The following PGPEP1L variants were observed in gnomAD, a reference collection of about 807,000 sequenced individuals.
PGPEP1L encodes pyroglutamyl-peptidase 1-like protein.
In PGPEP1L, 7 loss-of-function variants were observed where a neutral mutation model predicts 6.0. The ratio of observed to expected loss-of-function variants is 1.17; its 90% CI spans 0.66 to 2.19. The LOEUF is 2.19. Among genes scored for constraint, PGPEP1L ranks in the 30% most tolerant of loss-of-function variants. The pLI is 0.00. For missense variants in PGPEP1L, 209 were observed against 192.5 expected (o/e 1.09, Z -0.51); for synonymous variants, 103 against 83.9 (o/e 1.23, Z -1.24).
intron 2 of PGPEP1L, among the ~76,000 whole-genome samples, chr15:98,973,228 C>T (rs989135805): frequency 1.3e-5 from 2 of 152,150 alleles, no homozygotes; most frequent in Admixed American, 6.5e-5. Flanking sequence ...TATTAATAGA[C>T]CTAAAGGGAG....
chr15:98,971,387 G>A (rs543139921), intron 2 of PGPEP1L, among the ~76,000 whole-genome samples: 1 of 152,158 alleles, frequency 6.6e-6, no homozygotes, highest in Admixed American at 6.5e-5. Context: ...CCAGCTACTT[G>A]GGAGGCTGAG....
chr15:98,987,420 TTC>T (rs2017763075), intron 2 of PGPEP1L, among the ~76,000 whole-genome samples: 1 of 152,052 alleles, frequency 6.6e-6, no homozygotes, highest in South Asian at 2.1e-4. Context: ...GAGCAAATGT[TTC>T]TGATAGACGC....
intron 2 of PGPEP1L, among the ~76,000 whole-genome samples, chr15:98,975,837 C>T (rs757515045): frequency 2.0e-5 from 3 of 152,082 alleles, no homozygotes; most frequent in Non-Finnish European, 2.9e-5. Flanking sequence ...GACAAGATCA[C>T]GCTACTGCAC....
chr15:99,000,775 A>G (rs2017955389), intron 2 of PGPEP1L, among the ~76,000 whole-genome samples: 1 of 152,118 alleles, frequency 6.6e-6, no homozygotes, highest in Non-Finnish European at 1.5e-5. Flanking sequence ...AAATGGACCA[A>G]TCAGCAGGAT....
rs142644729 is a variant in PGPEP1L, at chr15:98,996,699, G to C, written c.-142+8730C>G. Among the ~76,000 whole-genome samples, 1,518 of 152,128 alleles carry C rather than the reference G, an allele frequency of 1.0e-2. 26 individuals carry two copies. Among genetic ancestry groups the C allele is most frequent in the Non-Finnish European group, 0.012 (829 of 68,004 alleles). On this transcript the variant is annotated intron_variant, in intron 2 of 4. Coordinates refer to ENST00000535714, the MANE Select transcript of PGPEP1L (RefSeq NM_001167902.2). Reference sequence around the variant, plus strand: ...TGCCTGTGTATCCATGTGTGCACGCGTGGGTACGTGTTTGGTCCTCAGAGC... The same window carrying C: ...TGCCTGTGTATCCATGTGTGCACGCCTGGGTACGTGTTTGGTCCTCAGAGC...
chr15:98,980,569 C>A (rs562598585), intron 2 of PGPEP1L, among the ~76,000 whole-genome samples: 1 of 152,262 alleles, frequency 6.6e-6, no homozygotes, highest in South Asian at 2.1e-4. Flanking sequence ...AGGAACTCCC[C>A]CACTCGAGTG....
intron 2 of PGPEP1L, among the ~76,000 whole-genome samples, chr15:98,977,790 G>C (rs989706771): frequency 6.6e-6 from 1 of 152,160 alleles, no homozygotes; most frequent in African/African-American, 2.4e-5. Context: ...TATTAACTGT[G>C]AATTTATCTA....
At position 98,971,426 on chromosome 15, in the gene PGPEP1L, G is replaced by A. The variant is rs956076091; in HGVS notation, c.-141-268C>T. Among the ~76,000 whole-genome samples, 4 of 151,566 alleles carry A rather than the reference G, an allele frequency of 2.6e-5. No individual in the cohort carries two copies. The East Asian group carries it at 5.8e-4, about 22-fold the overall frequency. Reference sequence around the variant, plus strand: ...GGAGAATCACTTGAACCTGGGAGGTGGAGGTTGCAGTGAGCCGAAATAGTA... The same window carrying A: ...GGAGAATCACTTGAACCTGGGAGGTAGAGGTTGCAGTGAGCCGAAATAGTA... On this transcript the variant is annotated intron_variant, in intron 2 of 4. Coordinates refer to ENST00000535714, the MANE Select transcript of PGPEP1L (RefSeq NM_001167902.2).
At chr15:99,005,007 TGTGAG>T (rs1397469402) in intron 2 of PGPEP1L, among the ~76,000 whole-genome samples, 1 of 151,990 alleles carries the variant, frequency 6.6e-6, no homozygotes, top group Non-Finnish European at 1.5e-5. Flanking sequence ...TTGCAAGCCT[TGTGAG>T]GGCCCTGTGG....
chr15:98,990,659 C>G (rs2151762580), intron 2 of PGPEP1L, among the ~76,000 whole-genome samples: 1 of 152,304 alleles, frequency 6.6e-6, no homozygotes, highest in Middle Eastern at 3.4e-3. Flanking sequence ...ACAGAATATA[C>G]ATTCTTCTCA....
intron 2 of PGPEP1L, among the ~76,000 whole-genome samples, chr15:98,978,736 T>A (rs867795688): frequency 0.03 from 4,256 of 140,200 alleles, 79 homozygotes; most frequent in Middle Eastern, 0.062. Flanking sequence ...ATTTTTTTTT[T>A]TTTTTTTTTT....
intron 2 of PGPEP1L, among the ~76,000 whole-genome samples, chr15:98,993,997 G>A (rs960982857): frequency 6.6e-6 from 1 of 152,194 alleles, no homozygotes. Context: ...GCCTGGCACA[G>A]TGACTCATGC....
intron 2 of PGPEP1L, among the ~76,000 whole-genome samples, chr15:98,997,654 T>C (rs531125779): frequency 6.6e-6 from 1 of 152,212 alleles, no homozygotes; most frequent in African/African-American, 2.4e-5. Flanking sequence ...GGTGCTAAAA[T>C]AGCTGCTTGT....
intron 2 of PGPEP1L, among the ~76,000 whole-genome samples, chr15:98,974,821 T>C (rs2177030): frequency 0.12 from 18,920 of 152,058 alleles, 1,549 homozygotes; most frequent in East Asian, 0.39. Context: ...GCTTGAACCC[T>C]GGGAGGCGGA....
chr15:98,986,732 C>CG (rs1453972323), intron 2 of PGPEP1L, among the ~76,000 whole-genome samples: 5 of 152,124 alleles, frequency 3.3e-5, no homozygotes, highest in African/African-American at 1.2e-4. Context: ...TCTTAGCCTA[C>CG]GGGGTCTGTG....
At position 98,968,676 on chromosome 15, in the gene PGPEP1L, A is replaced by G. The variant is rs1388736135; in HGVS notation, c.231T>C (p.Tyr77=). 1.9e-6 allele frequency: 3 copies of G among 1,576,054 alleles called. No homozygotes were observed. Among genetic ancestry groups the G allele is most frequent in the Admixed American group, 3.7e-5 (2 of 53,828 alleles). Residue 77 remains tyrosine (Y), a synonymous_variant, in exon 5 of 5, where the codon TAT becomes TAC. Transcript: ENST00000535714. The part of the protein sequence containing the change: ...DAGRYVCDYT[Y]YLSLHHGKGC... ...CCTTTCCATGATGCAGAGACAGGTA[A>G]TAGGTATAATCACAGACGTATCTGC...
chr15:98,999,089 TAAC>T (rs1555472728), intron 2 of PGPEP1L, among the ~76,000 whole-genome samples: 1 of 152,122 alleles, frequency 6.6e-6, no homozygotes, highest in Non-Finnish European at 1.5e-5. Context: ...CAGGAATAAT[TAAC>T]AAACTAGATT....
chr15:98,975,091 A>G (rs7181205), intron 2 of PGPEP1L, among the ~76,000 whole-genome samples: 4,970 of 151,312 alleles, frequency 0.033, 291 homozygotes, highest in African/African-American at 0.11. Context: ...TGAATGAATG[A>G]ATGGATACAG....
chr15:98,984,886 A>C (rs569082113), intron 2 of PGPEP1L, among the ~76,000 whole-genome samples: 28 of 152,008 alleles, frequency 1.8e-4, no homozygotes, highest in Non-Finnish European at 2.2e-4. Flanking sequence ...GACGGTGGAG[A>C]AGACAAACTC....
Sources: allele counts gnomAD v4.1 joint callset (sites outside exome capture counted in the v4.1 genomes callset), GRCh38; gene constraint gnomAD v4.1.1; transcripts MANE v1.5; gene names NCBI Gene and HGNC (gene_info 2026-07-23, HGNC 2026-07-21).